The following DYNC1H1 variants were observed in gnomAD, a reference collection of about 807,000 sequenced individuals.
The protein encoded by DYNC1H1 is dynein cytoplasmic 1 heavy chain 1.
In DYNC1H1, 51 loss-of-function variants were observed where a neutral mutation model predicts 527.1. The observed-to-expected ratio is 0.10, with a 90% CI of 0.08 to 0.12. The LOEUF is 0.12. DYNC1H1 is among the 10% of genes least tolerant of loss of function. The pLI, the probability that DYNC1H1 is intolerant of heterozygous loss-of-function variation, is 1.00. For missense variants in DYNC1H1, 2,771 were observed against 5,971.8 expected (o/e 0.46, Z 17.66); for synonymous variants, 2,189 against 2,278.8 (o/e 0.96, Z 1.12).
At chr14:101,994,055 A>G in intron 11 of DYNC1H1, 129 bp from the exon 12 acceptor site, 1 of 1,319,074 alleles carries the variant, frequency 7.6e-7, no homozygotes, top group East Asian at 2.3e-5. Context: ...GGGTAAGTGG[A>G]TGTTATCCCT....
In DYNC1H1 at chr14:102,038,926, C is replaced by T. The variant is rs764274373; in HGVS notation, c.11207-75C>T. ...ACTTTTAAGTGACTAGGATGTTCCA[C>T]GTTTGTGGCAAACACTTCTGAGAGC... On this transcript the variant is annotated intron_variant, in intron 59 of 77. Coordinates refer to ENST00000360184, the MANE Select transcript of DYNC1H1 (RefSeq NM_001376.5). This position sits in a 1 kb window ranked among gnomAD's most constrained non-coding sequence, Gnocchi z 7.2. 52 of 1,402,322 alleles carry T rather than the reference C, an allele frequency of 3.7e-5. No individual in the cohort carries two copies. The highest frequency in any genetic ancestry group is 3.6e-4 in the South Asian group (25 of 70,224). The allele number at this position is 1,402,322 out of a possible 1,614,324, so 86.9% of individuals were successfully genotyped here. A position where few individuals can be genotyped will look rare whatever the true frequency, so the allele number is the denominator to read the frequency against.
Position 102,044,809 on chromosome 14 carries a change from G to T in DYNC1H1, c.13006+111G>T. The T allele has an allele frequency of 1.6e-6, 2 of 1,267,378 alleles. No individual in the cohort carries two copies. The allele number at this position is 1,267,378 out of a possible 1,614,324, so 78.5% of individuals were successfully genotyped here. ...GGGTGAGTGTGCACTGCTGTCCCAGGGCCCTCCCTGGTTATGCTGGGTGTG... is the reference window on the plus strand; with the variant it reads ...GGGTGAGTGTGCACTGCTGTCCCAGTGCCCTCCCTGGTTATGCTGGGTGTG... On this transcript the variant is annotated intron_variant, in intron 72 of 77. Transcript: ENST00000360184. This position sits in a 1 kb window ranked among gnomAD's most constrained non-coding sequence, Gnocchi z 7.1.
intron 42 of DYNC1H1, among the ~76,000 whole-genome samples, chr14:102,021,814 C>A (rs2048388204): frequency 6.6e-6 from 1 of 151,950 alleles, no homozygotes; most frequent in Non-Finnish European, 1.5e-5. Flanking sequence ...ACATGTGCCA[C>A]CACGCCTGGC....
chr14:102,049,470 C>T lies in DYNC1H1; in HGVS notation c.13403C>T (p.Thr4468Met), dbSNP rs899591600. The T allele has an allele frequency of 2.5e-6, 4 of 1,614,176 alleles. No individual in the cohort carries two copies. The highest frequency in any genetic ancestry group is 1.7e-5 in the Admixed American group (1 of 60,028). Residue 4468 changes from threonine (T) to methionine (M), a missense_variant, in exon 75 of 78, where the codon ACG becomes ATG. Transcript: ENST00000360184. The surrounding 1 kb of genome is among the most constrained non-coding windows in gnomAD (Gnocchi z 5.5). ...TTGCCTCGGAGCTGGTCCCACTACACGGTGCCTGCCGGCATGACCGTCATC... is the reference window on the plus strand; with the variant it reads ...TTGCCTCGGAGCTGGTCCCACTACATGGTGCCTGCCGGCATGACCGTCATC... The part of the protein sequence containing the change: ...GILPRSWSHY[T>M]VPAGMTVIQW...
At position 101,982,101 on chromosome 14, in the gene DYNC1H1, T is replaced by C. The variant is rs534459397; in HGVS notation, c.962-918T>C. Among the ~76,000 whole-genome samples, 352 of 152,296 alleles carry C rather than the reference T, an allele frequency of 2.3e-3. 2 individuals are homozygous for C. Among genetic ancestry groups the C allele is most frequent in the Non-Finnish European group, 7.5e-4 (51 of 68,028 alleles). On this transcript the variant is annotated intron_variant, in intron 5 of 77. Transcript: ENST00000360184. Reference sequence around the variant, plus strand: ...GCCCCCGTCACATGAGTGGCGGCATTAGATTCTCATAGGGGCGCAAACCCT... The same window carrying C: ...GCCCCCGTCACATGAGTGGCGGCATCAGATTCTCATAGGGGCGCAAACCCT...
At position 102,022,827 on chromosome 14, in the gene DYNC1H1, G is replaced by A. The variant is rs139461837; in HGVS notation, c.8584G>A (p.Asp2862Asn). Residue 2862 changes from aspartate to asparagine, a missense_variant, in exon 43 of 78, where the codon GAC (aspartate) becomes AAC (asparagine). Physicochemically the swap from Asp to Asn is conservative, Grantham distance 23 (BLOSUM62 1). Around this residue, in one of 32 missense-constraint regions of DYNC1H1, gnomAD observed 163 missense variants for 346.9 expected, o/e 0.47. Transcript: ENST00000360184. ...TGCTCTGAAGCACTTCCCTAACATCGACAGAGAGAAGGCAATGAGCCGACC... is the reference window on the plus strand; with the variant it reads ...TGCTCTGAAGCACTTCCCTAACATCAACAGAGAGAAGGCAATGAGCCGACC... ...TVALKHFPNI[D>N]REKAMSRPIL... is the part of the protein sequence containing the mutation. 1.5e-5 allele frequency: 25 copies of A among 1,614,056 alleles called. No individual in the cohort carries two copies. In the African/African-American group the frequency reaches 2.7e-4, roughly 17 times the overall value.
intron 1 of DYNC1H1, among the ~76,000 whole-genome samples, chr14:101,973,900 C>T (rs963219987): frequency 6.6e-6 from 1 of 152,160 alleles, no homozygotes; most frequent in Non-Finnish European, 1.5e-5. Context: ...TGCTCAGACC[C>T]TGTGTATCCA....
rs1174491257 is a variant in DYNC1H1, at chr14:102,053,749, T to G, written c.*3186T>G. 1 of 139,578 alleles carries G rather than the reference T, an allele frequency of 7.2e-6. No homozygotes were observed. The highest frequency in any genetic ancestry group is 1.5e-5 in the Non-Finnish European group (1 of 66,218). The allele number at this position is 139,578 out of a possible 1,614,324, so 8.6% of individuals were successfully genotyped here. A position where few individuals can be genotyped will look rare whatever the true frequency, so the allele number is the denominator to read the frequency against. On this transcript the variant is annotated 3_prime_UTR_variant, in exon 78 of 78. Transcript: ENST00000360184. ...GAGCCACCACACTCGGCCTCTTTGT[T>G]TGTTTTTTTTTTTTTTTGAGACAGT...
At position 102,033,013 on chromosome 14, in the gene DYNC1H1, C is replaced by T; in HGVS notation, c.10080-52C>T. The T allele has an allele frequency of 6.4e-7, 1 of 1,570,146 alleles. No homozygotes were observed. Among genetic ancestry groups the T allele is most frequent in the East Asian group, 2.2e-5 (1 of 44,650 alleles). On this transcript the variant is annotated intron_variant, in intron 52 of 77. Coordinates refer to ENST00000360184, the MANE Select transcript of DYNC1H1 (RefSeq NM_001376.5). This position sits in a 1 kb window ranked among gnomAD's most constrained non-coding sequence, Gnocchi z 5.6. ...CTTCCATTTTAATTTTATGAAAACTCTTCCTTGCTTTTGTCCTGCATGTGT... is the reference window on the plus strand; with the variant it reads ...CTTCCATTTTAATTTTATGAAAACTTTTCCTTGCTTTTGTCCTGCATGTGT...
Position 101,988,691 on chromosome 14 carries a change from C to T in DYNC1H1, c.2719-12C>T, listed in dbSNP as rs768052530. The T allele has an allele frequency of 1.7e-5, 27 of 1,613,962 alleles. No individual in the cohort carries two copies. The East Asian group carries it at 2.2e-4, about 13-fold the overall frequency. The stretch of plus-strand genomic sequence containing the variant: ...GAAGAAACACTGTTCTCTGATATAA[C>T]GTTGTCTGTAGATTGAAAGAATATT... On this transcript the variant is annotated splice_polypyrimidine_tract_variant and intron_variant, in intron 9 of 77. Coordinates refer to ENST00000360184, the MANE Select transcript of DYNC1H1 (RefSeq NM_001376.5).
In DYNC1H1 at chr14:102,049,920, G is replaced by A. The variant is rs1201047905; in HGVS notation, c.13684+38G>A. On this transcript the variant is annotated intron_variant, in intron 76 of 77. Coordinates refer to ENST00000360184, the MANE Select transcript of DYNC1H1 (RefSeq NM_001376.5). The surrounding 1 kb of genome is among the most constrained non-coding windows in gnomAD (Gnocchi z 5.5). Reference sequence around the variant, plus strand: ...TCACAGAAAATACTGGCTCTTTGCAGGTGACCTCGGTGGCCTGAGACCATT... The same window carrying A: ...TCACAGAAAATACTGGCTCTTTGCAAGTGACCTCGGTGGCCTGAGACCATT... 1 of 1,561,822 alleles carries A rather than the reference G, an allele frequency of 6.4e-7. No individual in the cohort carries two copies. Among genetic ancestry groups the A allele is most frequent in the Non-Finnish European group, 8.6e-7 (1 of 1,164,346 alleles).
chr14:102,043,732 T>C, intron 69 of DYNC1H1, 143 bp from the exon 70 acceptor site: 1 of 1,116,850 alleles, frequency 9.0e-7, no homozygotes, highest in Non-Finnish European at 1.3e-6. Context: ...ACTTTTCTCC[T>C]AGCAGCAGTA....
chr14:102,048,421 G>C, intron 73 of DYNC1H1, 95 bp from the exon 74 acceptor site: 1 of 1,535,832 alleles, frequency 6.5e-7, no homozygotes, highest in Non-Finnish European at 8.9e-7. Flanking sequence ...GGAAGCTCTG[G>C]GGCTCTCCCC....
In DYNC1H1 at chr14:102,056,155, C is replaced by A. The variant is rs891066334; in HGVS notation, c.*5592C>A. 6.6e-6 allele frequency: 1 copy of A among 152,170 alleles called. No individual in the cohort carries two copies. Among genetic ancestry groups the A allele is most frequent in the Non-Finnish European group, 1.5e-5 (1 of 68,034 alleles). The allele number at this position is 152,170 out of a possible 1,614,324, so 9.4% of individuals were successfully genotyped here. On this transcript the variant is annotated 3_prime_UTR_variant, in exon 78 of 78. Coordinates refer to ENST00000360184, the MANE Select transcript of DYNC1H1 (RefSeq NM_001376.5). The stretch of plus-strand genomic sequence containing the variant: ...TGGGCCTGCCTGGCCTAAACCTAGT[C>A]GTTAAAAATCAGCTCATGACTTAGA...
rs2048257715 is a variant in DYNC1H1 at position 102,011,464 on chromosome 14, T to C, written c.6619-411T>C. 2.9e-6 allele frequency: 1 copy of C among 347,862 alleles called. No individual in the cohort carries two copies. The highest frequency in any genetic ancestry group is 5.6e-6 in the Non-Finnish European group (1 of 179,802). The allele number at this position is 347,862 out of a possible 1,614,324, so 21.5% of individuals were successfully genotyped here. ...CTCGGCGGGATCTGATGTGTCCTTG[T>C]TGAGGCTGCTCATTGGTGTCTCCTG... On this transcript the variant is annotated intron_variant, in intron 32 of 77. Coordinates refer to ENST00000360184, the MANE Select transcript of DYNC1H1 (RefSeq NM_001376.5). The surrounding 1 kb of genome is among the most constrained non-coding windows in gnomAD (Gnocchi z 5.3).
At position 102,041,459 on chromosome 14, in the gene DYNC1H1, C is replaced by T; in HGVS notation, c.11942-115C>T. 3 of 1,542,280 alleles carry T rather than the reference C, an allele frequency of 1.9e-6. No individual in the cohort carries two copies. The highest frequency in any genetic ancestry group is 2.7e-6 in the Non-Finnish European group (3 of 1,122,428). On this transcript the variant is annotated intron_variant, in intron 64 of 77. Coordinates refer to ENST00000360184, the MANE Select transcript of DYNC1H1 (RefSeq NM_001376.5). The surrounding 1 kb of genome is among the most constrained non-coding windows in gnomAD (Gnocchi z 4.5). ...GCTGAATTTCCTGATTTGAGCTGAT[C>T]CTGAAATGCTGAGCATTTGCTGAGT...
chr14:102,049,312 A>G lies in DYNC1H1; in HGVS notation c.13373-128A>G. On this transcript the variant is annotated intron_variant, in intron 74 of 77. Transcript: ENST00000360184. This position sits in a 1 kb window ranked among gnomAD's most constrained non-coding sequence, Gnocchi z 5.5. Reference sequence around the variant, plus strand: ...AGGGGCATAAAGTGCAGCCTGGGAAAGGCAGTAGGTGGAGCCGCCAGCCGC... The same window carrying G: ...AGGGGCATAAAGTGCAGCCTGGGAAGGGCAGTAGGTGGAGCCGCCAGCCGC... 7.3e-7 allele frequency: 1 copy of G among 1,362,940 alleles called. No homozygotes were observed. The highest frequency in any genetic ancestry group is 1.0e-6 in the Non-Finnish European group (1 of 981,142). The allele number at this position is 1,362,940 out of a possible 1,614,324, so 84.4% of individuals were successfully genotyped here. A position where few individuals can be genotyped will look rare whatever the true frequency, so the allele number is the denominator to read the frequency against.
chr14:102,050,986 G>A lies in DYNC1H1; in HGVS notation c.*423G>A. The A allele has an allele frequency of 3.5e-6, 1 of 288,322 alleles. No individual in the cohort carries two copies. The allele number at this position is 288,322 out of a possible 1,614,324, so 17.9% of individuals were successfully genotyped here. Reference sequence around the variant, plus strand: ...TTCACAGACACAGATGCAGCCAGCTGTGGCTCTGAAGGCCCTGGGGCCCGG... The same window carrying A: ...TTCACAGACACAGATGCAGCCAGCTATGGCTCTGAAGGCCCTGGGGCCCGG... On this transcript the variant is annotated 3_prime_UTR_variant, in exon 78 of 78. Transcript: ENST00000360184.
Position 102,044,664 on chromosome 14 carries a change from C to T in DYNC1H1, c.12972C>T (p.Pro4324=). ...DTQTPSWLGL[P]NNAERVLLTT... ...AGACGCCCTCCTGGCTGGGCCTGCCCAACAACGCCGAGAGAGTCCTCCTTA... is the reference window on the plus strand; with the variant it reads ...AGACGCCCTCCTGGCTGGGCCTGCCTAACAACGCCGAGAGAGTCCTCCTTA... Residue 4324 remains proline (P), a synonymous_variant, in exon 72 of 78, where the codon CCC becomes CCT. Transcript: ENST00000360184. The surrounding 1 kb of genome is among the most constrained non-coding windows in gnomAD (Gnocchi z 7.1). The T allele has an allele frequency of 6.2e-7, 1 of 1,614,078 alleles. No homozygotes were observed. The highest frequency in any genetic ancestry group is 8.5e-7 in the Non-Finnish European group (1 of 1,180,028).
Sources: gnomAD v4.1 joint callset for allele counts (sites outside exome capture counted in the v4.1 genomes callset) on GRCh38, gnomAD v4.1.1 for gene constraint, gnomAD v4.1.1 regional missense constraint, Gnocchi (gnomAD v3.1) non-coding constraint, MANE v1.5 for transcripts, NCBI Gene and HGNC (gene_info 2026-07-23, HGNC 2026-07-21) for gene names.